Variants in ITGA9 observed in about 807,000 individuals in gnomAD.
ITGA9 encodes the protein integrin subunit alpha 9.
ITGA9 carries 56 observed loss-of-function variants against 127.8 expected under a neutral mutation model. The observed-to-expected ratio is 0.44, with a 90% CI of 0.35 to 0.55. ITGA9 has a LOEUF of 0.55. Ranked by LOEUF, ITGA9 falls within the 20% of genes least tolerant of loss-of-function variation. The probability of loss-of-function intolerance (pLI) is 0.00; values close to 1 mark genes in which losing one functional copy is unlikely to be tolerated. For missense variants in ITGA9, 1,196 were observed against 1,347.1 expected (o/e 0.89, Z 1.76); for synonymous variants, 508 against 514.5 (o/e 0.99, Z 0.17).
At chr3:37,534,387 T>G (rs565008744) in intron 14 of ITGA9, among the ~76,000 whole-genome samples, 1 of 152,258 alleles carries the variant, frequency 6.6e-6, no homozygotes, top group Admixed American at 6.5e-5. Context: ...TGCAGGACTT[T>G]GGGCTCCGCT....
chr3:37,471,455 G>A (rs114822266), intron 2 of ITGA9, among the ~76,000 whole-genome samples: 5,416 of 152,260 alleles, frequency 0.036, 160 homozygotes, highest in Non-Finnish European at 0.051. Flanking sequence ...GGTCAAGAAA[G>A]GTCTGGGACC....
chr3:37,739,858 A>G (rs1337021317), intron 20 of ITGA9, among the ~76,000 whole-genome samples: 1 of 152,182 alleles, frequency 6.6e-6, no homozygotes, highest in African/African-American at 2.4e-5. Flanking sequence ...ACCCATCCAC[A>G]GGGGAGTCGC....
chr3:37,531,164 A>G (rs2434131), intron 13 of ITGA9, among the ~76,000 whole-genome samples: 88,748 of 151,776 alleles, frequency 0.58, 26,391 homozygotes, highest in East Asian at 0.82. Context: ...ACTGTGAGAC[A>G]CAGTCTCCCC....
Position 37,473,400 on chromosome 3 carries a change from C to A in ITGA9, c.360C>A (p.Arg120=). Residue 120 remains arginine (R), a synonymous_variant, in exon 3 of 28, where the codon CGC becomes CGA. Coordinates refer to ENST00000264741, the MANE Select transcript of ITGA9 (RefSeq NM_002207.3). ...GCGGAAAGACCTGCCGGGAAGACCG[C>A]GATGATGAGTGGATGGGGGTGAGCC... ...TSCGKTCRED[R]DDEWMGVSLA... is the part of the protein sequence containing the mutation. The A allele has an allele frequency of 1.9e-6, 3 of 1,613,944 alleles. No individual in the cohort carries two copies. The highest frequency in any genetic ancestry group is 1.7e-6 in the Non-Finnish European group (2 of 1,180,006).
intron 18 of ITGA9, among the ~76,000 whole-genome samples, chr3:37,704,720 G>A (rs1249679551): frequency 2.6e-5 from 4 of 152,182 alleles, no homozygotes. Context: ...GGCATGGTGG[G>A]TCTGAAACTC....
chr3:37,668,940 T>A (rs1700611024), intron 17 of ITGA9, among the ~76,000 whole-genome samples: 1 of 151,926 alleles, frequency 6.6e-6, no homozygotes, highest in Non-Finnish European at 1.5e-5. Context: ...GGAAGGTACC[T>A]TGTAGAAAAC....
At chr3:37,541,607 C>T (rs1164313763) in intron 14 of ITGA9, among the ~76,000 whole-genome samples, 1 of 152,096 alleles carries the variant, frequency 6.6e-6, no homozygotes, top group Non-Finnish European at 1.5e-5. Context: ...GTTCTGCCAT[C>T]TGGCATACAC....
intron 18 of ITGA9, among the ~76,000 whole-genome samples, chr3:37,694,291 G>T (rs1343179529): frequency 6.6e-6 from 1 of 152,164 alleles, no homozygotes; most frequent in Non-Finnish European, 1.5e-5. Context: ...TCCTTGAGAG[G>T]ACAAGAGAAG....
intron 15 of ITGA9, among the ~76,000 whole-genome samples, chr3:37,616,500 G>C (rs1286846750): frequency 6.6e-6 from 1 of 152,178 alleles, no homozygotes; most frequent in Non-Finnish European, 1.5e-5. Context: ...GCAGAGCTGA[G>C]TTCAATTCCT....
chr3:37,455,287 C>A (rs927490916), intron 1 of ITGA9, among the ~76,000 whole-genome samples: 1 of 152,182 alleles, frequency 6.6e-6, no homozygotes, highest in East Asian at 1.9e-4. Context: ...GGGTAAACAA[C>A]CTTTAACGAA....
At chr3:37,689,595 G>C (rs2364656) in intron 18 of ITGA9, among the ~76,000 whole-genome samples, 19 of 152,134 alleles carry the variant, frequency 1.2e-4, no homozygotes, top group Admixed American at 1.2e-3. Context: ...GGGCCGGGGG[G>C]TGCTGCATGG....
At position 37,653,710 on chromosome 3, in the gene ITGA9, A is replaced by G. The variant is rs764005078; in HGVS notation, c.1840-4A>G. On this transcript the variant is annotated splice_region_variant and splice_polypyrimidine_tract_variant and intron_variant, in intron 16 of 27. Coordinates refer to ENST00000264741, the MANE Select transcript of ITGA9 (RefSeq NM_002207.3). ...CTAACCTTCCTCTCCTGTCTTTCTC[A>G]CAGACTGTTTTTGAAAGGAATTGCC... 26 of 1,611,568 alleles carry G rather than the reference A, an allele frequency of 1.6e-5. No homozygotes were observed. Among genetic ancestry groups the G allele is most frequent in the Non-Finnish European group, 2.2e-5 (26 of 1,177,756 alleles).
intron 14 of ITGA9, among the ~76,000 whole-genome samples, chr3:37,542,140 T>C (rs143893132): frequency 2.4e-4 from 36 of 152,282 alleles, no homozygotes; most frequent in Admixed American, 4.6e-4. Context: ...GCTGGCTCAG[T>C]TGATACCTCA....
At chr3:37,598,833 C>G (rs1699891599) in intron 15 of ITGA9, among the ~76,000 whole-genome samples, 1 of 152,184 alleles carries the variant, frequency 6.6e-6, no homozygotes, top group Non-Finnish European at 1.5e-5. Context: ...AATCTCCCCA[C>G]TTGAACCTAA....
chr3:37,466,483 C>CAAAAAAAAAAAAAAAAAAAAAAAA (rs60980366), intron 1 of ITGA9, among the ~76,000 whole-genome samples: 2 of 26,064 alleles, frequency 7.7e-5, no homozygotes, highest in Non-Finnish European at 1.2e-4. Context: ...GACACCATCT[C>CAAAAAAAAAAAAAAAAAAAAAAAA]AAAAAAAAAA....
At chr3:37,680,015 A>G (rs545230780) in intron 17 of ITGA9, among the ~76,000 whole-genome samples, 2 of 152,236 alleles carry the variant, frequency 1.3e-5, no homozygotes, top group East Asian at 3.9e-4. Context: ...CTAGGCAGGG[A>G]GATCAGGAAG....
chr3:37,622,452 G>T (rs1700137310), intron 15 of ITGA9, among the ~76,000 whole-genome samples: 1 of 151,920 alleles, frequency 6.6e-6, no homozygotes, highest in African/African-American at 2.4e-5. Context: ...TTATTCTCTG[G>T]GAAATAGGTT....
At chr3:37,569,045 C>T (rs1699576324) in intron 15 of ITGA9, among the ~76,000 whole-genome samples, 1 of 152,154 alleles carries the variant, frequency 6.6e-6, no homozygotes, top group African/African-American at 2.4e-5. Flanking sequence ...TACCAATTTA[C>T]TGTATTAGTC....
chr3:37,794,059 G>T (rs908271209), intron 26 of ITGA9, among the ~76,000 whole-genome samples: 2 of 152,234 alleles, frequency 1.3e-5, no homozygotes, highest in Non-Finnish European at 2.9e-5. Flanking sequence ...GCGTGTCCAT[G>T]TCCCATTAAG....
Sources: allele counts gnomAD v4.1 joint callset (sites outside exome capture counted in the v4.1 genomes callset), GRCh38; gene constraint gnomAD v4.1.1; transcripts MANE v1.5; gene names NCBI Gene and HGNC (gene_info 2026-07-23, HGNC 2026-07-21).